The following SLFN11 variants were observed in gnomAD, a reference collection of about 807,000 sequenced individuals.
SLFN11 encodes schlafen family member 11.
A neutral mutation model predicts 53.4 loss-of-function variants in SLFN11; 43 were observed. The ratio of observed to expected loss-of-function variants is 0.80; its 90% CI spans 0.63 to 1.04. The LOEUF (loss-of-function observed/expected upper bound fraction) is 1.04, where lower values mean the gene tolerates loss of function less well. SLFN11 is among the 50% of genes least tolerant of loss of function. The pLI is 0.00. For missense variants in SLFN11, 990 were observed against 1,079.1 expected (o/e 0.92, Z 1.16); for synonymous variants, 389 against 394.7 (o/e 0.99, Z 0.17).
rs531866797 is a variant in SLFN11 at position 35,353,591 on chromosome 17, A to G, written c.1667T>C (p.Ile556Thr). The change falls in exon 6 of 7, where the codon ATT becomes ACT. Residue 556 changes from isoleucine (I) to threonine (T), a missense_variant. Ile to Thr is a moderately conservative substitution (Grantham distance 89). Transcript: ENST00000685675. ...GAGAGACCTGAAGCCGAGTAAGACA[A>G]TCACGAGGGACTGCAGCAGGGCTTC... The part of the protein sequence containing the change: ...HMEALLQSLV[I>T]VLLGFRSLLS... 1.1e-5 allele frequency: 13 copies of G among 1,194,576 alleles called. No homozygotes were observed. In the South Asian group the frequency reaches 2.1e-4, roughly 19 times the overall value. The allele number at this position is 1,194,576 out of a possible 1,614,324, so 74.0% of individuals were successfully genotyped here.
chr17:35,360,063 G>C, intron 5 of SLFN11, 180 bp downstream of exon 5: 1 of 572,898 alleles, frequency 1.7e-6, no homozygotes, highest in Non-Finnish European at 3.0e-6. Context: ...GCCTTAGCCA[G>C]TGGGGTCAGT....
At chr17:35,360,450 G>T in intron 4 of SLFN11, 79 bp from the exon 5 acceptor site, 1 of 1,306,954 alleles carries the variant, frequency 7.7e-7, no homozygotes, top group Non-Finnish European at 1.0e-6. Flanking sequence ...GGTGGAATGT[G>T]TGACTTTCTA....
At chr17:35,361,488 G>C (rs1281484067) in intron 4 of SLFN11, among the ~76,000 whole-genome samples, 1 of 151,942 alleles carries the variant, frequency 6.6e-6, no homozygotes, top group African/African-American at 2.4e-5. Flanking sequence ...TTTTGAGACA[G>C]GGTCTCACTC....
intron 1 of SLFN11, among the ~76,000 whole-genome samples, chr17:35,371,071 A>C (rs926987467): frequency 1.3e-5 from 2 of 152,154 alleles, no homozygotes; most frequent in Middle Eastern, 3.2e-3. Context: ...CTCAAATTAT[A>C]CTACAGAGCT....
At chr17:35,369,325 T>C (rs1425064645) in intron 1 of SLFN11, among the ~76,000 whole-genome samples, 2 of 152,040 alleles carry the variant, frequency 1.3e-5, no homozygotes, top group Non-Finnish European at 2.9e-5. Context: ...TAGCTAACAG[T>C]ACTCCCTGTG....
At chr17:35,360,476 G>T in intron 4 of SLFN11, 105 bp from the exon 5 acceptor site, 1 of 1,078,372 alleles carries the variant, frequency 9.3e-7, no homozygotes. Flanking sequence ...TTTGACTTGA[G>T]AGATAATATC....
At chr17:35,361,859 T>C (rs955503211) in intron 4 of SLFN11, among the ~76,000 whole-genome samples, 1 of 151,936 alleles carries the variant, frequency 6.6e-6, no homozygotes, top group Non-Finnish European at 1.5e-5. Flanking sequence ...ATTCTTCTGC[T>C]TCAGCCTCCC....
At chr17:35,358,165 A>G (rs1015618016) in intron 5 of SLFN11, among the ~76,000 whole-genome samples, 1 of 150,992 alleles carries the variant, frequency 6.6e-6, no homozygotes, top group Non-Finnish European at 1.5e-5. Context: ...TGCATTAGAT[A>G]GGTTTATTGC....
chr17:35,366,453 A>T (rs959668737), intron 3 of SLFN11, among the ~76,000 whole-genome samples: 2 of 151,536 alleles, frequency 1.3e-5, no homozygotes, highest in African/African-American at 4.8e-5. Context: ...TTTGAAAATT[A>T]TTTTTTTTAA....
intron 5 of SLFN11, among the ~76,000 whole-genome samples, chr17:35,356,266 A>C (rs77026717): frequency 0.1 from 15,426 of 152,172 alleles, 1,057 homozygotes; most frequent in Non-Finnish European, 0.16. Context: ...TCTGGATTCT[A>C]ATTGTAAAAG....
intron 1 of SLFN11, among the ~76,000 whole-genome samples, chr17:35,368,992 G>A (rs572179696): frequency 3.3e-5 from 5 of 151,900 alleles, no homozygotes; most frequent in African/African-American, 7.2e-5. Flanking sequence ...AATCAGCAAC[G>A]ATACCCAGGT....
At chr17:35,365,193 A>G (rs992283828) in intron 3 of SLFN11, among the ~76,000 whole-genome samples, 3 of 152,098 alleles carry the variant, frequency 2.0e-5, no homozygotes, top group African/African-American at 7.2e-5. Flanking sequence ...TGGTGGGAGG[A>G]AGCTGAAAGA....
chr17:35,363,672 C>T lies in SLFN11; in HGVS notation c.136G>A (p.Val46Ile). The T allele has an allele frequency of 6.2e-7, 1 of 1,613,870 alleles. No individual in the cohort carries two copies. The highest frequency in any genetic ancestry group is 8.5e-7 in the Non-Finnish European group (1 of 1,179,938). Residue 46 changes from valine (V) to isoleucine (I), a missense_variant, in exon 4 of 7, where the codon GTT (valine) becomes ATT (isoleucine). Val to Ile is a conservative substitution (Grantham distance 29). This residue lies in a region of SLFN11 where 521 missense variants were observed against 516.2 expected (regional missense o/e 1.01). Coordinates refer to ENST00000685675, the MANE Select transcript of SLFN11 (RefSeq NM_001376007.1). ...KIQRDQEKER[V>I]MRAACALLNS... ...AATAAAGCACATGCAGCCCGCATAA[C>T]TCTCTCCTTCTCTTGGTCTCTCTGA... is the stretch of plus-strand genomic sequence containing the variant.
chr17:35,362,712 G>T, intron 4 of SLFN11, 27 bp downstream of exon 4: 2 of 1,505,354 alleles, frequency 1.3e-6, no homozygotes, highest in African/African-American at 1.4e-5. Flanking sequence ...AGAAAGGACA[G>T]GGAGGGAGGA....
In SLFN11 at chr17:35,353,904, G is replaced by T. The variant is rs763090826; in HGVS notation, c.1354C>A (p.Gln452Lys). 1 of 1,613,830 alleles carries T rather than the reference G, an allele frequency of 6.2e-7. No homozygotes were observed. The highest frequency in any genetic ancestry group is 8.5e-7 in the Non-Finnish European group (1 of 1,179,970). ...SRSWAVDLNLQEKPGVICDAL... is the reference protein window; with the variant it reads ...SRSWAVDLNLKEKPGVICDAL... ...TCACAGATGACTCCTGGCTTCTCCT[G>T]CAAGTTCAGGTCCACAGCCCAACTT... Residue 452 changes from glutamine (Q) to lysine (K), a missense_variant, in exon 6 of 7, where the codon CAG becomes AAG. Transcript: ENST00000685675.
intron 1 of SLFN11, among the ~76,000 whole-genome samples, chr17:35,371,734 G>A (rs1360514572): frequency 6.6e-6 from 1 of 152,068 alleles, no homozygotes; most frequent in African/African-American, 2.4e-5. Context: ...CAACATCACT[G>A]ATCATCAGAA....
rs1907061564 is a variant in SLFN11, at chr17:35,353,633, G to A, written c.1625C>T (p.Ala542Val). Residue 542 changes from alanine to valine, a missense_variant, in exon 6 of 7, where the codon GCA becomes GTA. Ala to Val is a moderately conservative substitution (Grantham distance 64). Around this residue, in one of 3 missense-constraint regions of SLFN11, gnomAD observed 156 missense variants for 241.9 expected, o/e 0.64. Coordinates refer to ENST00000685675, the MANE Select transcript of SLFN11 (RefSeq NM_001376007.1). ...CAGGGCTTCCATGTGCTGGGTGCCT[G>A]CAAGGCTATAGGACGCAGGGTAATC... ...PMDYPASYSL[A>V]GTQHMEALLQ... The A allele has an allele frequency of 7.0e-6, 8 of 1,139,654 alleles. No homozygotes were observed. The highest frequency in any genetic ancestry group is 1.8e-5 in the African/African-American group (1 of 56,510). The allele number at this position is 1,139,654 out of a possible 1,614,324, so 70.6% of individuals were successfully genotyped here.
At chr17:35,373,394 C>T (rs1909947945) in intron 1 of SLFN11, 80 bp downstream of exon 1, 1 of 151,748 alleles carries the variant, frequency 6.6e-6, no homozygotes, top group Admixed American at 6.6e-5. Context: ...CCCCCAGCCC[C>T]TCCGCACCCC....
intron 4 of SLFN11, among the ~76,000 whole-genome samples, chr17:35,360,932 TG>T (rs1320254375): frequency 6.6e-6 from 1 of 152,164 alleles, no homozygotes; most frequent in African/African-American, 2.4e-5. Flanking sequence ...ATCACGCCAC[TG>T]CACTCCAGCC....
Sources: allele counts gnomAD v4.1 joint callset (sites outside exome capture counted in the v4.1 genomes callset), GRCh38; gene constraint gnomAD v4.1.1; regional missense constraint gnomAD v4.1.1; transcripts MANE v1.5; gene names NCBI Gene and HGNC (gene_info 2026-07-23, HGNC 2026-07-21).